The following EPS8 variants were observed in gnomAD, a reference collection of about 807,000 sequenced individuals.
EPS8 encodes the protein EGFR pathway substrate 8, signaling adaptor.
A neutral mutation model predicts 103.8 loss-of-function variants in EPS8; 42 were observed. The observed-to-expected ratio is 0.40, with a 90% confidence interval of 0.32 to 0.52. EPS8 has a LOEUF of 0.52. Among genes scored for constraint, EPS8 ranks in the 20% least tolerant of loss-of-function variants. The pLI is 0.40. For missense variants in EPS8, 969 were observed against 1,005.1 expected, an observed-to-expected ratio of 0.96 and a Z score of 0.49; for synonymous variants, 344 against 344.6, an observed-to-expected ratio of 1.00 and a Z score of 0.02.
intron 1 of EPS8, among the ~76,000 whole-genome samples, chr12:15,743,019 T>G (rs540685610): frequency 1.1e-3 from 172 of 152,298 alleles, no homozygotes; most frequent in Admixed American, 8.0e-3. Flanking sequence ...AACCCCATCG[T>G]CTCAGCCCAA....
intron 3 of EPS8, among the ~76,000 whole-genome samples, chr12:15,675,999 G>A (rs915324533): frequency 4.6e-5 from 7 of 152,202 alleles, no homozygotes; most frequent in Admixed American, 1.3e-4. Context: ...TCGGCTGGGC[G>A]TGGTGGCTCA....
In EPS8 at chr12:15,735,280, A is replaced by G. The variant is rs1946757310; in HGVS notation, c.-21-52308T>C. ...TGATAAAAGAAAAATATTCATTTTG[A>G]AGCACAATATGCAAACCATAGTTGC... On this transcript the variant is annotated intron_variant, in intron 1 of 20. Transcript: ENST00000281172. The surrounding 1 kb of genome is among the most constrained non-coding windows in gnomAD (Gnocchi z 4.4). Among the ~76,000 whole-genome samples, 1 of 152,250 alleles carries G rather than the reference A, an allele frequency of 6.6e-6. No individual in the cohort carries two copies. The highest frequency in any genetic ancestry group is 2.4e-5 in the African/African-American group (1 of 41,472).
Position 15,669,843 on chromosome 12 carries a change from G to A in EPS8, c.205-18C>T. 1.9e-6 allele frequency: 3 copies of A among 1,563,468 alleles called. No individual in the cohort carries two copies. The highest frequency in any genetic ancestry group is 2.6e-6 in the Non-Finnish European group (3 of 1,157,890). On this transcript the variant is annotated intron_variant, in intron 4 of 20. Coordinates refer to ENST00000281172, the MANE Select transcript of EPS8 (RefSeq NM_004447.6). ...GTCAAGTGCTTACAATTGGCAAAAA[G>A]GAAAAAGATTTATAACACATACAAA...
At chr12:15,660,774 C>T (rs773780288) in intron 9 of EPS8, 34 bp from the exon 10 acceptor site, 2 of 1,324,832 alleles carry the variant, frequency 1.5e-6, no homozygotes, top group South Asian at 2.5e-5. Flanking sequence ...AAATATAAAA[C>T]AAAACTATTT....
intron 1 of EPS8, among the ~76,000 whole-genome samples, chr12:15,724,002 A>G (rs1241517990): frequency 6.6e-6 from 1 of 152,150 alleles, no homozygotes; most frequent in African/African-American, 2.4e-5. Context: ...TTTATCTTTT[A>G]TTGACTTTGA....
At chr12:15,647,722 C>G (rs1945343951) in intron 14 of EPS8, among the ~76,000 whole-genome samples, 1 of 152,244 alleles carries the variant, frequency 6.6e-6, no homozygotes, top group East Asian at 1.9e-4. Context: ...TAAGAGAATG[C>G]TAGAGTCACT....
At chr12:15,709,688 A>T (rs1946435311) in intron 1 of EPS8, among the ~76,000 whole-genome samples, 1 of 152,218 alleles carries the variant, frequency 6.6e-6, no homozygotes, top group Admixed American at 6.5e-5. Context: ...GCCAGGCCAG[A>T]GCAACGGGAG....
chr12:15,774,331 C>G (rs933786045), intron 1 of EPS8, among the ~76,000 whole-genome samples: 1 of 136,140 alleles, frequency 7.3e-6, no homozygotes, highest in African/African-American at 2.7e-5. Context: ...TTCACCCCAC[C>G]CCCCCTGCAA....
At chr12:15,665,370 T>A (rs1274167119) in intron 8 of EPS8, 1 of 170,132 alleles carries the variant, frequency 5.9e-6, no homozygotes, top group African/African-American at 2.4e-5. Context: ...TTGGTCTTGT[T>A]GTCCAGGCTG....
intron 4 of EPS8, 98 bp downstream of exon 4, chr12:15,670,758 A>G (rs1481929600): frequency 2.8e-5 from 23 of 820,962 alleles, no homozygotes; most frequent in Non-Finnish European, 4.1e-5. Flanking sequence ...CTTAAAATAC[A>G]TCATAAGAAT....
At position 15,751,261 on chromosome 12, in the gene EPS8, G is replaced by A. The variant is rs1486036886; in HGVS notation, c.-22+37900C>T. The stretch of plus-strand genomic sequence containing the variant: ...TAATCCCAGCTACTAGCAAGGCTGA[G>A]GCAGGAGAATCGCTTGAACCTGGGA... On this transcript the variant is annotated intron_variant, in intron 1 of 20. Coordinates refer to ENST00000281172, the MANE Select transcript of EPS8 (RefSeq NM_004447.6). This position sits in a 1 kb window ranked among gnomAD's most constrained non-coding sequence, Gnocchi z 4.3. 6.6e-6 allele frequency among the ~76,000 whole-genome samples: 1 copy of A among 152,128 alleles called. No individual in the cohort carries two copies. The highest frequency in any genetic ancestry group is 1.5e-5 in the Non-Finnish European group (1 of 68,036).
At position 15,776,021 on chromosome 12, in the gene EPS8, CACT is replaced by C. The variant is rs1204334534; in HGVS notation, c.-22+13137_-22+13139del. On this transcript the variant is annotated intron_variant, in intron 1 of 20. Coordinates refer to ENST00000281172, the MANE Select transcript of EPS8 (RefSeq NM_004447.6). The surrounding 1 kb of genome is among the most constrained non-coding windows in gnomAD (Gnocchi z 4.2). ...AAATGAATCAAACCAGATCTGACACCACTACAACAAACAAAACTCACCTTCACA... is the reference window on the plus strand; with the variant it reads ...AAATGAATCAAACCAGATCTGACACCACAACAAACAAAACTCACCTTCACA... Among the ~76,000 whole-genome samples, 14 of 152,050 alleles carry C rather than the reference CACT, an allele frequency of 9.2e-5. No homozygotes were observed. The highest frequency in any genetic ancestry group is 7.4e-5 in the Non-Finnish European group (5 of 67,996).
intron 1 of EPS8, among the ~76,000 whole-genome samples, chr12:15,692,103 C>G (rs1946180673): frequency 6.6e-6 from 1 of 152,102 alleles, no homozygotes. Context: ...TCACGTTCCC[C>G]CTGTCTTGGA....
Position 15,723,996 on chromosome 12 carries a change from T to C in EPS8, c.-21-41024A>G, listed in dbSNP as rs189094040. ...TAGAGACATCTGTCATTATTCTTTA[T>C]CTTTTATTGACTTTGAATATTCTAG... On this transcript the variant is annotated intron_variant, in intron 1 of 20. Transcript: ENST00000281172. 6.6e-5 allele frequency among the ~76,000 whole-genome samples: 10 copies of C among 152,318 alleles called. No homozygotes were observed. In the East Asian group the frequency reaches 1.9e-3, roughly 29 times the overall value.
rs772763515 is a variant in EPS8 at position 15,662,055 on chromosome 12, T to C, written c.781A>G (p.Met261Val). The change falls in exon 9 of 21, where the codon ATG (methionine) becomes GTG (valine). Residue 261 changes from methionine to valine, a missense_variant. Physicochemically the swap from Met to Val is conservative, Grantham distance 21 (BLOSUM62 1). Coordinates refer to ENST00000281172, the MANE Select transcript of EPS8 (RefSeq NM_004447.6). Reference sequence around the variant, plus strand: ...TCTCTGTCAATGCGGGCTGCCATCATCTCAGGTGTTTCTTCCTGCTCATGA... The same window carrying C: ...TCTCTGTCAATGCGGGCTGCCATCACCTCAGGTGTTTCTTCCTGCTCATGA... ...QYHEQEETPE[M>V]MAARIDRDVQ... The C allele has an allele frequency of 1.1e-5, 17 of 1,613,866 alleles. No homozygotes were observed. The South Asian group carries it at 1.9e-4, about 18-fold the overall frequency.
At chr12:15,658,442 AT>A in intron 11 of EPS8, 54 bp downstream of exon 11, 1 of 1,187,604 alleles carries the variant, frequency 8.4e-7, no homozygotes, top group Non-Finnish European at 1.2e-6. Context: ...TCCTGACTAG[AT>A]TTTCACCTTT....
At chr12:15,637,609 G>T (rs1393799555) in intron 17 of EPS8, among the ~76,000 whole-genome samples, 1 of 152,170 alleles carries the variant, frequency 6.6e-6, no homozygotes, top group Non-Finnish European at 1.5e-5. Context: ...TGTGAATGTT[G>T]TTTTCTGTGA....
rs1291768861 is a variant in EPS8 at position 15,698,074 on chromosome 12, T to C, written c.-21-15102A>G. On this transcript the variant is annotated intron_variant, in intron 1 of 20. Coordinates refer to ENST00000281172, the MANE Select transcript of EPS8 (RefSeq NM_004447.6). This position sits in a 1 kb window ranked among gnomAD's most constrained non-coding sequence, Gnocchi z 4.9. ...TCCAACTTTGAGGCAACATATGTTT[T>C]ACAAAGCATGGGGACATATGAATGA... 6.6e-6 allele frequency among the ~76,000 whole-genome samples: 1 copy of C among 152,180 alleles called. No individual in the cohort carries two copies. Among genetic ancestry groups the C allele is most frequent in the Admixed American group, 6.5e-5 (1 of 15,278 alleles).
intron 1 of EPS8, among the ~76,000 whole-genome samples, chr12:15,722,196 CAA>C (rs57036768): frequency 8.2e-6 from 1 of 121,958 alleles, no homozygotes; most frequent in African/African-American, 2.8e-5. Context: ...TGATGAGGTA[CAA>C]AAAAAAAAAC....
Sources: allele counts gnomAD v4.1 joint callset (sites outside exome capture counted in the v4.1 genomes callset), GRCh38; gene constraint gnomAD v4.1.1; non-coding constraint Gnocchi (gnomAD v3.1); transcripts MANE v1.5; gene names NCBI Gene and HGNC (gene_info 2026-07-23, HGNC 2026-07-21).